Variants in LARGE1 observed in about 807,000 individuals in gnomAD.
LARGE1 encodes the protein LARGE xylosyl- and glucuronyltransferase 1.
In LARGE1, 43 loss-of-function variants were observed where a neutral mutation model predicts 87.6. That is an observed-to-expected ratio of 0.49 (90% confidence interval 0.38 to 0.63). The LOEUF (loss-of-function observed/expected upper bound fraction) is 0.63, where lower values mean the gene tolerates loss of function less well. Ranked by LOEUF, LARGE1 falls within the 30% of genes least tolerant of loss-of-function variation. The probability of loss-of-function intolerance (pLI) is 0.00; values close to 1 mark genes in which losing one functional copy is unlikely to be tolerated. For missense variants in LARGE1, 802 were observed against 1,000.2 expected (o/e 0.80, Z 2.67); for synonymous variants, 434 against 394.6 (o/e 1.10, Z -1.18).
intron 3 of LARGE1, among the ~76,000 whole-genome samples, chr22:33,634,096 T>C (rs2149107830): frequency 6.6e-6 from 1 of 152,360 alleles, no homozygotes; most frequent in East Asian, 1.9e-4. Flanking sequence ...AATAAATCAA[T>C]GCTTATTAAT....
intron 1 of LARGE1, among the ~76,000 whole-genome samples, chr22:33,813,445 T>C (rs1381787186): frequency 6.6e-6 from 1 of 151,922 alleles, no homozygotes; most frequent in African/African-American, 2.4e-5. Flanking sequence ...ACACACATCT[T>C]GGTGGAGGAC....
intron 11 of LARGE1, among the ~76,000 whole-genome samples, chr22:33,167,493 A>G (rs1033744155): frequency 6.6e-6 from 1 of 152,148 alleles, no homozygotes; most frequent in Admixed American, 6.5e-5. Context: ...ATGGCTTAAT[A>G]CCCATAAGAC....
At chr22:33,676,558 C>T (rs1196553431) in intron 2 of LARGE1, among the ~76,000 whole-genome samples, 1 of 149,696 alleles carries the variant, frequency 6.7e-6, no homozygotes, top group African/African-American at 2.5e-5. Context: ...TATCTGCCAT[C>T]AGCAGGTACA....
intron 11 of LARGE1, among the ~76,000 whole-genome samples, chr22:33,265,316 G>GAATAATT (rs1927873940): frequency 6.6e-6 from 1 of 152,056 alleles, no homozygotes; most frequent in Admixed American, 6.5e-5. Flanking sequence ...TGTGTCCTCT[G>GAATAATT]AATAATTTTG....
intron 5 of LARGE1, among the ~76,000 whole-genome samples, chr22:33,598,396 T>C (rs972742459): frequency 2.0e-5 from 3 of 152,314 alleles, no homozygotes; most frequent in Admixed American, 1.3e-4. Flanking sequence ...TATTATACTT[T>C]AAGTTATGGG....
chr22:33,717,432 T>C (rs1403382848), intron 2 of LARGE1, among the ~76,000 whole-genome samples: 1 of 152,226 alleles, frequency 6.6e-6, no homozygotes, highest in Admixed American at 6.5e-5. Context: ...TTTCTTTTCT[T>C]TTCCAGTATT....
chr22:33,396,419 A>G (rs560992875), intron 7 of LARGE1, among the ~76,000 whole-genome samples: 2 of 150,022 alleles, frequency 1.3e-5, no homozygotes, highest in East Asian at 3.9e-4. Context: ...TCTTCCTGAA[A>G]GCTTTTTGAG....
At chr22:33,290,569 C>T (rs1462997281) in intron 12 of LARGE1, among the ~76,000 whole-genome samples, 1 of 152,186 alleles carries the variant, frequency 6.6e-6, no homozygotes, top group African/African-American at 2.4e-5. Flanking sequence ...GAAAATAAAA[C>T]GTGTGCCATG....
intron 12 of LARGE1, among the ~76,000 whole-genome samples, chr22:33,303,033 A>T (rs9621677): frequency 0.2 from 29,955 of 151,852 alleles, 6,870 homozygotes; most frequent in African/African-American, 0.57. Context: ...GGATTTTTTT[A>T]AAATGTCATT....
chr22:33,706,354 G>C (rs1009589233), intron 2 of LARGE1, among the ~76,000 whole-genome samples: 1 of 152,284 alleles, frequency 6.6e-6, no homozygotes, highest in South Asian at 2.1e-4. Context: ...TGAGAACAGA[G>C]GGAAAGCTCC....
intron 1 of LARGE1, among the ~76,000 whole-genome samples, chr22:33,824,046 T>G (rs531411657): frequency 2.0e-5 from 3 of 152,308 alleles, no homozygotes; most frequent in South Asian, 2.1e-4. Flanking sequence ...AACAATCCTT[T>G]AAGGCTGATA....
At chr22:33,125,344 T>G in the LARGE1 span, among the ~76,000 whole-genome samples, 2 of 152,154 alleles carry the variant, frequency 1.3e-5, no homozygotes, top group East Asian at 1.9e-4. Flanking sequence ...TGAAAAAAAT[T>G]GACAAGATTA....
chr22:33,366,277 TG>T (rs2064590726), intron 9 of LARGE1, among the ~76,000 whole-genome samples: 1 of 152,228 alleles, frequency 6.6e-6, no homozygotes, highest in Admixed American at 6.5e-5. Context: ...CATAAATGTG[TG>T]TGTGCTCTTG....
At chr22:33,666,964 A>G (rs1569355735) in intron 2 of LARGE1, among the ~76,000 whole-genome samples, 2 of 152,224 alleles carry the variant, frequency 1.3e-5, no homozygotes, top group Non-Finnish European at 1.5e-5. Flanking sequence ...CACGCTAATC[A>G]AGCCAGATAT....
chr22:33,492,819 A>C (rs748895495), intron 6 of LARGE1, among the ~76,000 whole-genome samples: 16 of 152,216 alleles, frequency 1.1e-4, no homozygotes, highest in Non-Finnish European at 2.1e-4. Flanking sequence ...TTCATATGAA[A>C]GGACGTCCTG....
intron 1 of LARGE1, among the ~76,000 whole-genome samples, chr22:33,778,196 C>T (rs1018756598): frequency 2.0e-5 from 3 of 152,206 alleles, no homozygotes; most frequent in Admixed American, 6.5e-5. Context: ...CACAGGGACT[C>T]TTGATTCCAA....
intron 6 of LARGE1, among the ~76,000 whole-genome samples, chr22:33,502,577 C>CT (rs113468660): frequency 1.1e-4 from 16 of 150,998 alleles, no homozygotes; most frequent in African/African-American, 1.9e-4. Context: ...CTGCCACGTG[C>CT]TTTTTTTTTG....
At chr22:33,567,804 G>A (rs4417800) in intron 5 of LARGE1, among the ~76,000 whole-genome samples, 112,253 of 151,928 alleles carry the variant, frequency 0.74, 45,611 homozygotes, top group Non-Finnish European at 0.9. Flanking sequence ...ATTATTTCCA[G>A]CTTTGTATCC....
chr22:33,623,216 C>T (rs918019602), intron 4 of LARGE1, among the ~76,000 whole-genome samples: 1 of 150,040 alleles, frequency 6.7e-6, no homozygotes, highest in Non-Finnish European at 1.5e-5. Flanking sequence ...AGTCTGAAGA[C>T]CACTCATCTC....
Sources: gnomAD v4.1 joint callset for allele counts (sites outside exome capture counted in the v4.1 genomes callset) on GRCh38, gnomAD v4.1.1 for gene constraint, MANE v1.5 for transcripts, NCBI Gene and HGNC (gene_info 2026-07-23, HGNC 2026-07-21) for gene names.